AIG1: variants seen among roughly 807,000 people sequenced by gnomAD.
AIG1 encodes the protein androgen-induced gene 1 protein.
Under a neutral mutation model 31.4 loss-of-function variants are expected in AIG1, and 23 were observed. The observed-to-expected ratio is 0.73, with a 90% CI of 0.53 to 1.04. The LOEUF (loss-of-function observed/expected upper bound fraction) is 1.04, where lower values mean the gene tolerates loss of function less well. Ranked by LOEUF, AIG1 falls within the 50% of genes least tolerant of loss-of-function variation. The probability of loss-of-function intolerance (pLI) is 0.00; values close to 1 mark genes in which losing one functional copy is unlikely to be tolerated. For missense variants in AIG1, 274 were observed against 295.0 expected (o/e 0.93, Z 0.52); for synonymous variants, 100 against 110.5 (o/e 0.90, Z 0.60).
chr6:143,147,689 G>T (rs1380256219), intron 2 of AIG1, among the ~76,000 whole-genome samples: 1 of 152,118 alleles, frequency 6.6e-6, no homozygotes, highest in Non-Finnish European at 1.5e-5. Flanking sequence ...CACCCCATTA[G>T]CTCAGAGTTC....
At chr6:143,082,374 C>T (rs1778342822) in intron 1 of AIG1, among the ~76,000 whole-genome samples, 2 of 152,138 alleles carry the variant, frequency 1.3e-5, no homozygotes, top group African/African-American at 2.4e-5. Context: ...CCTTGAGCGG[C>T]ATAGGTTTGA....
At chr6:143,183,957 T>C (rs1359321482) in intron 3 of AIG1, among the ~76,000 whole-genome samples, 1 of 152,202 alleles carries the variant, frequency 6.6e-6, no homozygotes, top group Non-Finnish European at 1.5e-5. Flanking sequence ...TCCAGTTCCC[T>C]GTTAATTGAA....
intron 3 of AIG1, among the ~76,000 whole-genome samples, chr6:143,166,004 G>A (rs993452118): frequency 6.6e-6 from 1 of 152,152 alleles, no homozygotes; most frequent in Non-Finnish European, 1.5e-5. Context: ...GGTGAAAAGG[G>A]CAGCCCATCA....
chr6:143,168,890 A>G (rs1787228050), intron 3 of AIG1, among the ~76,000 whole-genome samples: 1 of 152,230 alleles, frequency 6.6e-6, no homozygotes, highest in African/African-American at 2.4e-5. Flanking sequence ...TTTATTTTCA[A>G]TTGATCTTTT....
intron 1 of AIG1, among the ~76,000 whole-genome samples, chr6:143,062,841 T>G (rs150704448): frequency 3.5e-4 from 54 of 152,334 alleles, no homozygotes; most frequent in African/African-American, 1.3e-3. Flanking sequence ...TTTGGGACAC[T>G]GCCTTATCCC....
In AIG1 at chr6:143,280,460, T is replaced by C. The variant is rs1797267465; in HGVS notation, c.400-3650T>C. Among the ~76,000 whole-genome samples the C allele has an allele frequency of 2.0e-5, 3 of 152,088 alleles. No individual in the cohort carries two copies. Among genetic ancestry groups the C allele is most frequent in the African/African-American group, 7.2e-5 (3 of 41,410 alleles). On this transcript the variant is annotated intron_variant, in intron 3 of 5. Coordinates refer to ENST00000357847, the MANE Select transcript of AIG1 (RefSeq NM_016108.4). The surrounding 1 kb of genome is among the most constrained non-coding windows in gnomAD (Gnocchi z 4.1). ...AGCACCACTCACAATAGCGAAAACA[T>C]GGAATCAACCTAAATGCCTATCAGT...
intron 3 of AIG1, among the ~76,000 whole-genome samples, chr6:143,196,502 C>T (rs1360372753): frequency 6.6e-6 from 1 of 151,964 alleles, no homozygotes; most frequent in Non-Finnish European, 1.5e-5. Context: ...CAGAAATTTC[C>T]ATAGGCATGC....
intron 3 of AIG1, among the ~76,000 whole-genome samples, chr6:143,272,215 C>A (rs75152221): frequency 1.5e-3 from 223 of 152,234 alleles, no homozygotes; most frequent in African/African-American, 5.1e-3. Flanking sequence ...TAACTCCGCC[C>A]GAGACAGAGC....
chr6:143,247,218 G>A (rs958392188), intron 3 of AIG1, among the ~76,000 whole-genome samples: 6 of 152,054 alleles, frequency 3.9e-5, no homozygotes, highest in South Asian at 4.1e-4. Flanking sequence ...CACAACCTCC[G>A]CCTCCTGGGT....
At chr6:143,248,497 G>T (rs1794770750) in intron 3 of AIG1, among the ~76,000 whole-genome samples, 1 of 151,826 alleles carries the variant, frequency 6.6e-6, no homozygotes, top group Admixed American at 6.6e-5. Context: ...GCCAGTAGTG[G>T]GAGGAGATCA....
intron 3 of AIG1, among the ~76,000 whole-genome samples, chr6:143,201,388 T>C (rs1790686876): frequency 6.6e-6 from 1 of 152,034 alleles, no homozygotes; most frequent in Non-Finnish European, 1.5e-5. Flanking sequence ...ATTAAAAAGG[T>C]AAATCTTTCT....
chr6:143,060,187 C>G (rs940085796), upstream of AIG1, among the ~76,000 whole-genome samples: 3 of 152,216 alleles, frequency 2.0e-5, no homozygotes, highest in Non-Finnish European at 2.9e-5. Flanking sequence ...ATTATTCAAT[C>G]TGTCATGGAA....
intron 3 of AIG1, chr6:143,190,399 G>T: frequency 1.0e-6 from 1 of 981,904 alleles, no homozygotes; most frequent in Non-Finnish European, 1.2e-6. Context: ...TTCTTCTCCT[G>T]GTGATATTTT....
chr6:143,188,853 T>A lies in AIG1; in HGVS notation c.399+23670T>A, dbSNP rs2128594392. 2 of 985,322 alleles carry A rather than the reference T, an allele frequency of 2.0e-6. 1 individual carries two copies. The highest frequency in any genetic ancestry group is 1.0e-3 in the Middle Eastern group (2 of 1,914). 61.0% of individuals were successfully genotyped at this position (985,322 alleles called of 1,614,324 possible). ...CATTCCTTTTTACACTGCCTGGGAT[T>A]TTTCAATAAGAAATTTGGCATTTCT... On this transcript the variant is annotated intron_variant, in intron 3 of 5. Coordinates refer to ENST00000357847, the MANE Select transcript of AIG1 (RefSeq NM_016108.4).
intron 3 of AIG1, among the ~76,000 whole-genome samples, chr6:143,179,391 T>C (rs1316970948): frequency 2.0e-5 from 3 of 152,210 alleles, no homozygotes; most frequent in Non-Finnish European, 4.4e-5. Context: ...TCTACATAGT[T>C]TCTAGGAATC....
chr6:143,184,179 C>T (rs900944994), intron 3 of AIG1, among the ~76,000 whole-genome samples: 13 of 152,322 alleles, frequency 8.5e-5, no homozygotes, highest in African/African-American at 3.1e-4. Flanking sequence ...AGTGATGGAG[C>T]TTCAATAGCC....
intron 3 of AIG1, among the ~76,000 whole-genome samples, chr6:143,225,041 A>C (rs1355702919): frequency 6.6e-6 from 1 of 152,124 alleles, no homozygotes; most frequent in Non-Finnish European, 1.5e-5. Context: ...CTTTCCTCCG[A>C]CTTAATTCCA....
intron 3 of AIG1, among the ~76,000 whole-genome samples, chr6:143,224,385 A>G (rs1403400753): frequency 2.0e-5 from 3 of 152,184 alleles, no homozygotes; most frequent in Non-Finnish European, 2.9e-5. Context: ...GTTTGGAACT[A>G]TGTGGGTCTG....
At chr6:143,304,928 T>C (rs181394584) in intron 4 of AIG1, among the ~76,000 whole-genome samples, 9 of 152,334 alleles carry the variant, frequency 5.9e-5, no homozygotes, top group African/African-American at 1.7e-4. Flanking sequence ...TATTCAGAGA[T>C]TCAACTTCTT....
Sources: allele counts gnomAD v4.1 joint callset (sites outside exome capture counted in the v4.1 genomes callset), GRCh38; gene constraint gnomAD v4.1.1; non-coding constraint Gnocchi (gnomAD v3.1); transcripts MANE v1.5; gene names NCBI Gene and HGNC (gene_info 2026-07-23, HGNC 2026-07-21).